Variants in SLC25A48 observed in about 807,000 individuals in gnomAD.
SLC25A48 encodes CTC-321K16.1.
A neutral mutation model predicts 32.2 loss-of-function variants in SLC25A48; 29 were observed. The observed-to-expected ratio is 0.90, with a 90% confidence interval of 0.67 to 1.23. SLC25A48 has a LOEUF of 1.23. Ranked by LOEUF, SLC25A48 falls within the 50% of genes most tolerant of loss-of-function variation. SLC25A48 has a pLI of 0.00. For missense variants in SLC25A48, 399 were observed against 422.7 expected (o/e 0.94, Z 0.49); for synonymous variants, 164 against 172.3 (o/e 0.95, Z 0.38).
intron 3 of SLC25A48, among the ~76,000 whole-genome samples, chr5:135,648,427 C>G (rs764952252): frequency 6.6e-6 from 1 of 152,216 alleles, no homozygotes; most frequent in African/African-American, 2.4e-5. Flanking sequence ...TATTTTGAAA[C>G]CTCAAATCAG....
intron 4 of SLC25A48, chr5:135,825,088 C>A (rs1014872585): frequency 6.6e-6 from 1 of 152,192 alleles, no homozygotes; most frequent in Non-Finnish European, 1.5e-5. Flanking sequence ...AACAATAAAG[C>A]CATTGTGAGA....
chr5:135,617,006 T>G (rs1362009071), intron 1 of SLC25A48, among the ~76,000 whole-genome samples: 1 of 151,138 alleles, frequency 6.6e-6, no homozygotes, highest in Non-Finnish European at 1.5e-5. Context: ...CTTTTTTAAT[T>G]TTTTGGAATA....
chr5:135,749,743 C>T (rs1438593582), intron 3 of SLC25A48, among the ~76,000 whole-genome samples: 2 of 152,084 alleles, frequency 1.3e-5, no homozygotes, highest in African/African-American at 4.8e-5. Context: ...AGGCGCACAC[C>T]ACCACGCTGG....
At chr5:135,798,991 G>A (rs564168108) in intron 3 of SLC25A48, among the ~76,000 whole-genome samples, 9 of 151,676 alleles carry the variant, frequency 5.9e-5, no homozygotes, top group East Asian at 1.9e-4. Context: ...TTCCATTATC[G>A]CAGAGGGTGT....
intron 3 of SLC25A48, among the ~76,000 whole-genome samples, chr5:135,805,664 C>A (rs1757446927): frequency 6.6e-6 from 1 of 151,530 alleles, no homozygotes; most frequent in African/African-American, 2.4e-5. Flanking sequence ...TGGAGGTACA[C>A]CCTGTGATAT....
chr5:135,867,515 C>G (rs1375396600), intron 4 of SLC25A48, among the ~76,000 whole-genome samples: 1 of 152,168 alleles, frequency 6.6e-6, no homozygotes, highest in Non-Finnish European at 1.5e-5. Context: ...CCCCCCGGCT[C>G]TGCCACCCCC....
chr5:135,653,449 C>T (rs998359433), intron 3 of SLC25A48, among the ~76,000 whole-genome samples: 1 of 152,184 alleles, frequency 6.6e-6, no homozygotes, highest in Non-Finnish European at 1.5e-5. Flanking sequence ...GGACTCAGAG[C>T]CTTCAGGAAT....
intron 1 of SLC25A48, among the ~76,000 whole-genome samples, chr5:135,581,725 G>A (rs1751238825): frequency 6.6e-6 from 1 of 152,242 alleles, no homozygotes; most frequent in Non-Finnish European, 1.5e-5. Flanking sequence ...TCCTCAGTCT[G>A]TGTATGCAGA....
rs183515466 is a variant in SLC25A48, at chr5:135,733,755, T to C, written c.-520-78768T>C. On this transcript the variant is annotated intron_variant, in intron 3 of 10. Transcript: ENST00000646290. ...GTGTGTAATGAAAAGGTTGGGATGA[T>C]TTAGGGAGAGCTAGTGTGGGAGCAG... Among the ~76,000 whole-genome samples the C allele has an allele frequency of 4.7e-4, 72 of 152,154 alleles. 1 individual carries two copies. In the East Asian group the frequency reaches 0.014, roughly 29 times the overall value.
intron 1 of SLC25A48, among the ~76,000 whole-genome samples, chr5:135,610,371 C>T (rs975849722): frequency 5.3e-5 from 8 of 152,132 alleles, no homozygotes; most frequent in Non-Finnish European, 1.2e-4. Context: ...TGTGCACATT[C>T]GATTTTTTTT....
intron 3 of SLC25A48, among the ~76,000 whole-genome samples, chr5:135,735,096 A>T (rs4312874): frequency 1.3e-5 from 2 of 151,996 alleles, no homozygotes; most frequent in African/African-American, 4.8e-5. Context: ...TCCCAGGCTG[A>T]GGGCATTCCT....
intron 3 of SLC25A48, among the ~76,000 whole-genome samples, chr5:135,741,644 G>A (rs938636028): frequency 6.6e-6 from 1 of 152,160 alleles, no homozygotes; most frequent in Non-Finnish European, 1.5e-5. Flanking sequence ...AGGCTGAGGT[G>A]GGAGGATAGA....
At chr5:135,625,687 T>G (rs1174372497) in intron 1 of SLC25A48, among the ~76,000 whole-genome samples, 1 of 152,164 alleles carries the variant, frequency 6.6e-6, no homozygotes, top group Non-Finnish European at 1.5e-5. Flanking sequence ...CTGGGATTTT[T>G]GGGTGTTTTT....
chr5:135,611,496 C>CAAAAAAAAAAAAAAAAAAAAAAAA (rs57138043), intron 1 of SLC25A48, among the ~76,000 whole-genome samples: 22 of 21,346 alleles, frequency 1.0e-3, no homozygotes, highest in South Asian at 5.9e-3. Flanking sequence ...GACTCCATCT[C>CAAAAAAAAAAAAAAAAAAAAAAAA]AAAAAAAAAA....
intron 3 of SLC25A48, among the ~76,000 whole-genome samples, chr5:135,726,839 T>C (rs1366896768): frequency 1.3e-5 from 2 of 152,250 alleles, no homozygotes; most frequent in Non-Finnish European, 2.9e-5. Flanking sequence ...AGAAGTGCAG[T>C]TGCTGGGTTC....
intron 4 of SLC25A48, among the ~76,000 whole-genome samples, chr5:135,868,574 G>A (rs1179422741): frequency 6.6e-6 from 1 of 152,020 alleles, no homozygotes; most frequent in Non-Finnish European, 1.5e-5. Context: ...ATATTTAGGG[G>A]TAAAGACTCT....
intron 3 of SLC25A48, among the ~76,000 whole-genome samples, chr5:135,635,797 C>T (rs1261916131): frequency 6.6e-6 from 1 of 152,192 alleles, no homozygotes; most frequent in Non-Finnish European, 1.5e-5. Context: ...ATCCTGCATA[C>T]CACTGCTTTA....
intron 4 of SLC25A48, among the ~76,000 whole-genome samples, chr5:135,856,314 T>G (rs76202085): frequency 1.3e-5 from 2 of 152,178 alleles, no homozygotes; most frequent in African/African-American, 4.8e-5. Context: ...GTCTCCAGCT[T>G]GATCTTGGCC....
At chr5:135,715,941 T>C (rs971730385) in intron 3 of SLC25A48, among the ~76,000 whole-genome samples, 2 of 152,178 alleles carry the variant, frequency 1.3e-5, no homozygotes, top group Non-Finnish European at 2.9e-5. Context: ...GGCTCCACTT[T>C]GTATTTCCTG....
Sources: allele counts gnomAD v4.1 joint callset (sites outside exome capture counted in the v4.1 genomes callset), GRCh38; gene constraint gnomAD v4.1.1; transcripts MANE v1.5; gene names NCBI Gene and HGNC (gene_info 2026-07-23, HGNC 2026-07-21).